The following PCDH15 variants were observed in gnomAD, a reference collection of about 807,000 sequenced individuals.
PCDH15 encodes the protein protocadherin related 15, also known as protocadherin-15.
A neutral mutation model predicts 178.5 loss-of-function variants in PCDH15; 129 were observed. The ratio of observed to expected loss-of-function variants is 0.72; its 90% CI spans 0.63 to 0.84. The LOEUF (loss-of-function observed/expected upper bound fraction) is 0.84. Ranked by LOEUF, PCDH15 falls within the 40% of genes least tolerant of loss-of-function variation. PCDH15 has a pLI of 0.00. For synonymous variants in PCDH15, 800 were observed against 732.0 expected (o/e 1.09, Z -1.50); for missense variants, 2,230 against 2,099.9 (o/e 1.06, Z -1.21).
intron 1 of PCDH15, among the ~76,000 whole-genome samples, chr10:55,223,980 G>A (rs1227651417): frequency 6.6e-6 from 1 of 152,094 alleles, no homozygotes; most frequent in Non-Finnish European, 1.5e-5. Flanking sequence ...AGCTGGAAGT[G>A]GTGGCTCACG....
intron 26 of PCDH15, among the ~76,000 whole-genome samples, chr10:53,901,709 G>A (rs61347407): frequency 0.077 from 11,660 of 152,028 alleles, 1,268 homozygotes; most frequent in African/African-American, 0.24. Context: ...ATTCACACTA[G>A]CCTCCAGCTC....
chr10:54,006,346 G>A (rs146383219), intron 20 of PCDH15, among the ~76,000 whole-genome samples: 147 of 152,234 alleles, frequency 9.7e-4, no homozygotes, highest in African/African-American at 3.2e-3. Context: ...ATACTTCAAA[G>A]CAACCCCAAC....
chr10:54,854,048 G>A (rs1953691444), intron 3 of PCDH15, among the ~76,000 whole-genome samples: 1 of 152,172 alleles, frequency 6.6e-6, no homozygotes, highest in African/African-American at 2.4e-5. Context: ...AATGGCGAGG[G>A]GTGTGTGAGC....
chr10:55,537,238 T>A (rs1841598402), intron 2 of PCDH15, among the ~76,000 whole-genome samples: 1 of 152,172 alleles, frequency 6.6e-6, no homozygotes, highest in Non-Finnish European at 1.5e-5. Flanking sequence ...ATCCCTAATA[T>A]GTTTTCACAT....
At chr10:54,275,938 A>G (rs968201266) in intron 8 of PCDH15, among the ~76,000 whole-genome samples, 1 of 151,850 alleles carries the variant, frequency 6.6e-6, no homozygotes, top group East Asian at 1.9e-4. Context: ...CAGACAATTA[A>G]TTATTTATGT....
chr10:54,920,468 C>CAAA (rs71014429), intron 2 of PCDH15, among the ~76,000 whole-genome samples: 6,504 of 57,796 alleles, frequency 0.11, 1,367 homozygotes, highest in Non-Finnish European at 0.15. Context: ...GACTGTGTCT[C>CAAA]AAAAAAAAAA....
chr10:55,200,241 C>T (rs911111004), intron 1 of PCDH15, among the ~76,000 whole-genome samples: 16 of 152,130 alleles, frequency 1.1e-4, no homozygotes, highest in African/African-American at 3.9e-4. Flanking sequence ...CCTTGGGGGC[C>T]CGTCCTTTGC....
intron 2 of PCDH15, among the ~76,000 whole-genome samples, chr10:55,155,220 G>A (rs1008659721): frequency 6.6e-6 from 1 of 152,112 alleles, no homozygotes; most frequent in Non-Finnish European, 1.5e-5. Context: ...GTTAGCAGCA[G>A]TTACTTCGGT....
At chr10:54,850,158 C>G (rs1953591038) in intron 3 of PCDH15, among the ~76,000 whole-genome samples, 1 of 152,058 alleles carries the variant, frequency 6.6e-6, no homozygotes, top group Non-Finnish European at 1.5e-5. Context: ...TTTTTAGTGA[C>G]TTTTAATAAT....
At chr10:55,476,047 C>T (rs1325251686) in intron 2 of PCDH15, among the ~76,000 whole-genome samples, 2 of 151,952 alleles carry the variant, frequency 1.3e-5, no homozygotes, top group Non-Finnish European at 2.9e-5. Context: ...GGCTTTAATC[C>T]CACACTACAA....
chr10:54,298,821 G>A (rs547123816), intron 8 of PCDH15, among the ~76,000 whole-genome samples: 14 of 152,324 alleles, frequency 9.2e-5, no homozygotes, highest in Admixed American at 7.2e-4. Context: ...CTCAAGGTCC[G>A]TTACCATCCA....
At chr10:53,986,436 G>T (rs1039492333) in intron 21 of PCDH15, among the ~76,000 whole-genome samples, 16 of 152,162 alleles carry the variant, frequency 1.1e-4, no homozygotes, top group Non-Finnish European at 2.2e-4. Context: ...AATTACTAAT[G>T]TAACTACCAT....
intron 1 of PCDH15, among the ~76,000 whole-genome samples, chr10:54,789,973 C>A (rs1180249073): frequency 1.3e-5 from 2 of 151,756 alleles, no homozygotes; most frequent in East Asian, 1.9e-4. Context: ...GGAGAAAATA[C>A]GACAAACTTA....
intron 6 of PCDH15, 78 bp from the exon 7 acceptor site, chr10:54,329,784 T>A (rs1939058307): frequency 2.1e-6 from 2 of 951,620 alleles, no homozygotes; most frequent in African/African-American, 3.2e-5. Flanking sequence ...GGATTAATCC[T>A]CTTGGAAGTT....
chr10:54,257,403 C>CTTTTTTTTTTTT (rs71461225), intron 8 of PCDH15, among the ~76,000 whole-genome samples: 3 of 126,022 alleles, frequency 2.4e-5, no homozygotes, highest in Admixed American at 8.4e-5. Flanking sequence ...GAATTGTCTT[C>CTTTTTTTTTTTT]TTTTTTTTTT....
At chr10:54,537,671 A>G (rs1034272978) in intron 2 of PCDH15, among the ~76,000 whole-genome samples, 15 of 152,238 alleles carry the variant, frequency 9.9e-5, no homozygotes, top group African/African-American at 3.6e-4. Context: ...AAAACCAAAA[A>G]CCATAAGGTT....
At chr10:54,240,518 G>A (rs74374022) in intron 8 of PCDH15, among the ~76,000 whole-genome samples, 8,289 of 151,364 alleles carry the variant, frequency 0.055, 554 homozygotes, top group African/African-American at 0.17. Context: ...TTTAAACCTA[G>A]AGTACCAATC....
chr10:53,940,599 A>G (rs184469431), intron 24 of PCDH15, among the ~76,000 whole-genome samples: 4 of 152,262 alleles, frequency 2.6e-5, no homozygotes, highest in East Asian at 1.9e-4. Context: ...TTAAAATATT[A>G]CCAAATGAGG....
chr10:54,550,618 C>A (rs953767914), intron 2 of PCDH15, among the ~76,000 whole-genome samples: 5 of 152,062 alleles, frequency 3.3e-5, no homozygotes, highest in Admixed American at 3.3e-4. Flanking sequence ...TTTAATGATG[C>A]AATGCAAAGA....
Sources: allele counts gnomAD v4.1 joint callset (sites outside exome capture counted in the v4.1 genomes callset), GRCh38; gene constraint gnomAD v4.1.1; transcripts MANE v1.5; gene names NCBI Gene and HGNC (gene_info 2026-07-23, HGNC 2026-07-21).